B3GLCT: variants seen among roughly 807,000 people sequenced by gnomAD.
B3GLCT encodes the protein beta-1,3-glucosyltransferase.
In B3GLCT, 65 loss-of-function variants were observed where a neutral mutation model predicts 63.4. The ratio of observed to expected loss-of-function variants is 1.03; its 90% CI spans 0.84 to 1.26. The LOEUF is 1.26. Among genes scored for constraint, B3GLCT ranks in the 50% most tolerant of loss-of-function variants. B3GLCT has a pLI of 0.00. For missense variants in B3GLCT, 577 were observed against 604.8 expected, an observed-to-expected ratio of 0.95 and a Z score of 0.48; for synonymous variants, 233 against 219.2, an observed-to-expected ratio of 1.06 and a Z score of -0.55.
intron 4 of B3GLCT, among the ~76,000 whole-genome samples, chr13:31,244,859 A>G (rs747706353): frequency 4.6e-5 from 7 of 152,190 alleles, no homozygotes; most frequent in Non-Finnish European, 8.8e-5. Flanking sequence ...CTTAATCAAG[A>G]GTTAATCAAG....
At chr13:31,262,648 C>T (rs1872095700) in intron 7 of B3GLCT, among the ~76,000 whole-genome samples, 1 of 152,190 alleles carries the variant, frequency 6.6e-6, no homozygotes. Context: ...ACATTCATTT[C>T]CTGCAGTGTC....
intron 7 of B3GLCT, among the ~76,000 whole-genome samples, chr13:31,264,883 T>C (rs574091366): frequency 3.3e-4 from 51 of 152,350 alleles, no homozygotes; most frequent in African/African-American, 1.2e-3. Flanking sequence ...ATTAAGGAAA[T>C]ACTTTTGCTG....
rs1023090129 is a variant in B3GLCT, at chr13:31,208,223, A to G, written c.71-6828A>G. The stretch of plus-strand genomic sequence containing the variant: ...TGTTGTACAGTGCAGCTTTAAGGAG[A>G]GAGTTCTTTGAAAGGATTCATTAAA... On this transcript the variant is annotated intron_variant, in intron 1 of 14. Transcript: ENST00000343307. Among the ~76,000 whole-genome samples, 174 of 152,050 alleles carry G rather than the reference A, an allele frequency of 1.1e-3. 1 individual carries two copies. Among genetic ancestry groups the G allele is most frequent in the African/African-American group, 4.0e-3 (165 of 41,438 alleles).
At chr13:31,231,870 C>G (rs557851385) in intron 4 of B3GLCT, among the ~76,000 whole-genome samples, 1 of 152,236 alleles carries the variant, frequency 6.6e-6, no homozygotes, top group South Asian at 2.1e-4. Context: ...AGGATAGGGC[C>G]CAGGTACAAG....
At chr13:31,240,479 T>C (rs12869197) in intron 4 of B3GLCT, among the ~76,000 whole-genome samples, 59 of 27,184 alleles carry the variant, frequency 2.2e-3, no homozygotes, top group Non-Finnish European at 3.2e-3. Context: ...TTTTTTTTTC[T>C]TTTTTTTTTT....
chr13:31,293,373 G>A (rs569749145), intron 12 of B3GLCT, among the ~76,000 whole-genome samples: 17 of 152,150 alleles, frequency 1.1e-4, no homozygotes, highest in African/African-American at 3.9e-4. Flanking sequence ...TTTCTGTCTC[G>A]TTGATCTGTC....
chr13:31,242,555 A>G (rs1871008345), intron 4 of B3GLCT, among the ~76,000 whole-genome samples: 1 of 152,242 alleles, frequency 6.6e-6, no homozygotes, highest in South Asian at 2.1e-4. Flanking sequence ...CACATGAGAG[A>G]ATGAGGTGGC....
At chr13:31,250,480 T>G (rs1871377426) in intron 6 of B3GLCT, among the ~76,000 whole-genome samples, 1 of 152,238 alleles carries the variant, frequency 6.6e-6, no homozygotes, top group Admixed American at 6.5e-5. Context: ...TGGCCTAAAT[T>G]TATTTTTAAT....
rs182013709 is a variant in B3GLCT, at chr13:31,212,309, C to T, written c.71-2742C>T. On this transcript the variant is annotated intron_variant, in intron 1 of 14. Coordinates refer to ENST00000343307, the MANE Select transcript of B3GLCT (RefSeq NM_194318.4). ...TTTTTTTTTAAGACGGAGTCTTGCT[C>T]TGTCGCCCAGGCTGGAGTGCAGTGG... Among the ~76,000 whole-genome samples, 264 of 130,574 alleles carry T rather than the reference C, an allele frequency of 2.0e-3. 1 individual carries two copies. The highest frequency in any genetic ancestry group is 6.7e-3 in the African/African-American group (231 of 34,530). The allele number at this position is 130,574 out of a possible 152,430, so 85.7% of individuals were successfully genotyped here.
At chr13:31,290,165 G>T (rs1566083918) in intron 12 of B3GLCT, among the ~76,000 whole-genome samples, 1 of 152,144 alleles carries the variant, frequency 6.6e-6, no homozygotes, top group East Asian at 1.9e-4. Context: ...ATGGTTTCCA[G>T]ATTCATCCAT....
intron 13 of B3GLCT, among the ~76,000 whole-genome samples, chr13:31,318,374 C>G (rs903326803): frequency 6.6e-6 from 1 of 152,156 alleles, no homozygotes; most frequent in Non-Finnish European, 1.5e-5. Context: ...ATGGATTATA[C>G]ACTTCTGGAG....
chr13:31,209,332 A>G (rs999753625), intron 1 of B3GLCT, among the ~76,000 whole-genome samples: 12 of 152,208 alleles, frequency 7.9e-5, no homozygotes, highest in Admixed American at 6.5e-5. Flanking sequence ...GGAAACAAGT[A>G]AGTTGGCTAT....
intron 2 of B3GLCT, among the ~76,000 whole-genome samples, chr13:31,221,553 A>G (rs1449461148): frequency 4.6e-5 from 7 of 152,226 alleles, no homozygotes; most frequent in African/African-American, 4.8e-5. Context: ...ACAAATCAGC[A>G]TATAACTATA....
chr13:31,202,205 A>G (rs945476012), intron 1 of B3GLCT, among the ~76,000 whole-genome samples: 1 of 152,248 alleles, frequency 6.6e-6, no homozygotes, highest in Non-Finnish European at 1.5e-5. Flanking sequence ...CCCACAAACT[A>G]GAGCATATTT....
intron 12 of B3GLCT, chr13:31,312,869 C>G (rs1874791803): frequency 6.6e-6 from 1 of 152,202 alleles, no homozygotes; most frequent in Non-Finnish European, 1.5e-5. Context: ...TTGTAGAGAA[C>G]AGCAGATCAG....
At position 31,276,782 on chromosome 13, in the gene B3GLCT, G is replaced by A. The variant is rs199615610; in HGVS notation, c.850+11G>A. The stretch of plus-strand genomic sequence containing the variant: ...TTCATGGTGACAGAAGTATGTTTTG[G>A]GTTATTCATTTTATTGAACGCTAAA... On this transcript the variant is annotated intron_variant, in intron 10 of 14. Transcript: ENST00000343307. 9.7e-4 allele frequency: 1,562 copies of A among 1,602,116 alleles called. 1 individual carries two copies. Among genetic ancestry groups the A allele is most frequent in the Non-Finnish European group, 1.2e-3 (1,394 of 1,169,334 alleles).
chr13:31,284,802 CA>C lies in B3GLCT; in HGVS notation c.964+42del, dbSNP rs771942670. ...TACTACTCTCCTTATTAAACATTGC[CA>C]TTCTGTAAATACAGTAAATTAGGTT... On this transcript the variant is annotated intron_variant, in intron 11 of 14. Transcript: ENST00000343307. The C allele has an allele frequency of 2.8e-6, 3 of 1,084,030 alleles. No homozygotes were observed. The East Asian group carries it at 7.1e-5, about 26-fold the overall frequency. 67.2% of individuals were successfully genotyped at this position (1,084,030 alleles called of 1,614,324 possible). A position where few individuals can be genotyped will look rare whatever the true frequency, so the allele number is the denominator to read the frequency against.
At chr13:31,235,803 T>C (rs4617711) in intron 4 of B3GLCT, among the ~76,000 whole-genome samples, 112,119 of 152,158 alleles carry the variant, frequency 0.74, 41,545 homozygotes, top group East Asian at 0.94. Context: ...AAAATCTGTA[T>C]GCATTGAACA....
chr13:31,285,239 C>T (rs1366690214), intron 11 of B3GLCT, among the ~76,000 whole-genome samples: 1 of 152,066 alleles, frequency 6.6e-6, no homozygotes, highest in Non-Finnish European at 1.5e-5. Context: ...CTTCAAATTG[C>T]AGGCTTTCTA....
Sources: allele counts gnomAD v4.1 joint callset (sites outside exome capture counted in the v4.1 genomes callset), GRCh38; gene constraint gnomAD v4.1.1; transcripts MANE v1.5; gene names NCBI Gene and HGNC (gene_info 2026-07-23, HGNC 2026-07-21).